Variants in KCNN2 observed in about 807,000 individuals in gnomAD.
KCNN2 encodes the protein potassium calcium-activated channel subfamily N member 2.
KCNN2 carries 24 observed loss-of-function variants against 55.5 expected under a neutral mutation model. The ratio of observed to expected loss-of-function variants is 0.43; its 90% CI spans 0.31 to 0.61. The LOEUF is 0.61. Ranked by LOEUF, KCNN2 falls within the 20% of genes least tolerant of loss-of-function variation. The probability of loss-of-function intolerance (pLI) is 0.08; values close to 1 mark genes in which losing one functional copy is unlikely to be tolerated. For missense variants in KCNN2, 754 were observed against 853.6 expected, an observed-to-expected ratio of 0.88 and a Z score of 1.45; for synonymous variants, 431 against 336.1, an observed-to-expected ratio of 1.28 and a Z score of -3.09.
chr5:114,326,487 C>G (rs1246072475), intron 2 of KCNN2, among the ~76,000 whole-genome samples: 1 of 152,044 alleles, frequency 6.6e-6, no homozygotes, highest in African/African-American at 2.4e-5. Context: ...TCAGAGGCTT[C>G]CAGATAGGGA....
At chr5:114,077,338 G>A (rs1436214817) in intron 1 of KCNN2, among the ~76,000 whole-genome samples, 4 of 152,246 alleles carry the variant, frequency 2.6e-5, no homozygotes, top group Non-Finnish European at 5.9e-5. Flanking sequence ...CCACTCCAGC[G>A]TTACGAAGAC....
intron 2 of KCNN2, among the ~76,000 whole-genome samples, chr5:114,235,960 T>C (rs748849224): frequency 2.0e-5 from 3 of 152,208 alleles, no homozygotes; most frequent in Non-Finnish European, 2.9e-5. Context: ...TGTGCTAGTA[T>C]TGAGGCTATG....
At chr5:114,419,850 T>A (rs933932190) in intron 3 of KCNN2, among the ~76,000 whole-genome samples, 1 of 152,068 alleles carries the variant, frequency 6.6e-6, no homozygotes, top group Non-Finnish European at 1.5e-5. Context: ...AAATAAGAAT[T>A]AGCCAGATGT....
At chr5:114,453,307 A>G (rs775497835) in intron 3 of KCNN2, among the ~76,000 whole-genome samples, 51 of 152,198 alleles carry the variant, frequency 3.4e-4, no homozygotes, top group Non-Finnish European at 6.5e-4. Context: ...GTACAAAACA[A>G]GAGATGCATT....
chr5:114,300,002 C>T (rs373516612), intron 2 of KCNN2, among the ~76,000 whole-genome samples: 1 of 129,678 alleles, frequency 7.7e-6, no homozygotes, highest in East Asian at 2.4e-4. Context: ...CCCCAGAAAG[C>T]CTGGTGGTGA....
At chr5:114,404,895 G>A (rs1297153178) in intron 3 of KCNN2, 39 bp downstream of exon 3, 1 of 1,547,294 alleles carries the variant, frequency 6.5e-7, no homozygotes. Context: ...AATTTACCAT[G>A]TGGTATCTTC....
At chr5:114,434,668 C>T (rs1478816127) in intron 3 of KCNN2, among the ~76,000 whole-genome samples, 1 of 152,140 alleles carries the variant, frequency 6.6e-6, no homozygotes, top group African/African-American at 2.4e-5. Context: ...TTCTGTAGTC[C>T]GGTGATTAGT....
chr5:114,477,319 G>T (rs1435862241), intron 5 of KCNN2, among the ~76,000 whole-genome samples: 3 of 152,134 alleles, frequency 2.0e-5, no homozygotes, highest in African/African-American at 7.2e-5. Context: ...AACAATTTCT[G>T]TGAAAAATTA....
chr5:114,159,584 G>A (rs138788562), intron 1 of KCNN2, among the ~76,000 whole-genome samples: 4,699 of 152,248 alleles, frequency 0.031, 252 homozygotes, highest in African/African-American at 0.11. Flanking sequence ...AATGGTACCA[G>A]TTCCTCCTTG....
intron 1 of KCNN2, among the ~76,000 whole-genome samples, chr5:114,124,411 G>A (rs1041786553): frequency 4.6e-5 from 7 of 152,144 alleles, no homozygotes; most frequent in South Asian, 2.1e-4. Flanking sequence ...AAGGGACACC[G>A]TATGGAACTT....
At chr5:114,380,520 G>A (rs1172070587) in intron 2 of KCNN2, among the ~76,000 whole-genome samples, 1 of 152,132 alleles carries the variant, frequency 6.6e-6, no homozygotes, top group Non-Finnish European at 1.5e-5. Context: ...CCTTTTAATA[G>A]GTGTGAGCTT....
chr5:114,078,402 C>G (rs1238598304), intron 1 of KCNN2, among the ~76,000 whole-genome samples: 1 of 152,092 alleles, frequency 6.6e-6, no homozygotes, highest in Non-Finnish European at 1.5e-5. Context: ...ATCACTAATT[C>G]AGGGATTTGG....
intron 1 of KCNN2, among the ~76,000 whole-genome samples, chr5:114,197,948 AG>A (rs1435617083): frequency 1.3e-5 from 2 of 152,164 alleles, no homozygotes; most frequent in African/African-American, 4.8e-5. Flanking sequence ...GACAATTTCC[AG>A]GGAATATGAA....
intron 2 of KCNN2, among the ~76,000 whole-genome samples, chr5:114,383,643 T>A (rs1291109540): frequency 6.6e-6 from 1 of 152,022 alleles, no homozygotes; most frequent in Non-Finnish European, 1.5e-5. Flanking sequence ...AATTTTTGTA[T>A]TTTTAGTAGG....
intron 2 of KCNN2, among the ~76,000 whole-genome samples, chr5:114,265,364 T>C (rs988216988): frequency 1.4e-4 from 20 of 147,578 alleles, no homozygotes; most frequent in African/African-American, 4.6e-4. Flanking sequence ...TGTGTGTGTG[T>C]GCATAAAGAG....
chr5:114,202,623 G>A (rs1044992913), intron 1 of KCNN2, among the ~76,000 whole-genome samples: 5 of 123,906 alleles, frequency 4.0e-5, no homozygotes, highest in African/African-American at 6.1e-5. Context: ...GTCTCGCTCT[G>A]TTGCCCAGGC....
chr5:114,486,072 C>T (rs1195155704), intron 5 of KCNN2, among the ~76,000 whole-genome samples: 3 of 152,140 alleles, frequency 2.0e-5, no homozygotes, highest in African/African-American at 7.2e-5. Flanking sequence ...ACGTAGAACC[C>T]GGTTATCAAT....
chr5:114,356,665 T>C (rs544940208), intron 2 of KCNN2, among the ~76,000 whole-genome samples: 1 of 152,150 alleles, frequency 6.6e-6, no homozygotes, highest in East Asian at 1.9e-4. Flanking sequence ...CCTAAAAAAA[T>C]AGAGGTATTG....
intron 1 of KCNN2, among the ~76,000 whole-genome samples, chr5:114,189,573 A>G (rs539142214): frequency 1.3e-5 from 2 of 152,338 alleles, no homozygotes; most frequent in Non-Finnish European, 2.9e-5. Context: ...TAACACATAA[A>G]TACATAAAAG....
Sources: allele counts gnomAD v4.1 joint callset (sites outside exome capture counted in the v4.1 genomes callset), GRCh38; gene constraint gnomAD v4.1.1; transcripts MANE v1.5; gene names NCBI Gene and HGNC (gene_info 2026-07-23, HGNC 2026-07-21).